The following BCAT1 variants were observed in gnomAD, a reference collection of about 807,000 sequenced individuals.
The protein encoded by BCAT1 is branched chain amino acid transaminase 1.
Under a neutral mutation model 52.4 loss-of-function variants are expected in BCAT1, and 48 were observed. That is an observed-to-expected ratio of 0.92 (90% CI 0.73 to 1.16). The LOEUF (loss-of-function observed/expected upper bound fraction) is 1.16. Ranked by LOEUF, BCAT1 falls within the 50% of genes most tolerant of loss-of-function variation. The pLI is 0.00. For synonymous variants in BCAT1, 167 were observed against 161.3 expected, an observed-to-expected ratio of 1.04 and a Z score of -0.27; for missense variants, 451 against 457.1, an observed-to-expected ratio of 0.99 and a Z score of 0.12.
chr12:24,938,588 T>C (rs1232047412), intron 1 of BCAT1, among the ~76,000 whole-genome samples: 1 of 152,120 alleles, frequency 6.6e-6, no homozygotes, highest in African/African-American at 2.4e-5. Context: ...CTTAGGCCTC[T>C]CTGTATTTAC....
chr12:24,857,912 G>T (rs1941738558), intron 5 of BCAT1, among the ~76,000 whole-genome samples: 1 of 152,164 alleles, frequency 6.6e-6, no homozygotes, highest in African/African-American at 2.4e-5. Flanking sequence ...CCCACTCTGT[G>T]CACGTTTGGA....
intron 3 of BCAT1, among the ~76,000 whole-genome samples, chr12:24,883,043 T>C (rs1161095059): frequency 6.6e-6 from 1 of 151,898 alleles, no homozygotes; most frequent in Admixed American, 6.6e-5. Context: ...TCCCAACACG[T>C]TGGGAGGCCA....
At chr12:24,839,074 C>T (rs528295018) in intron 7 of BCAT1, among the ~76,000 whole-genome samples, 1 of 152,282 alleles carries the variant, frequency 6.6e-6, no homozygotes, top group South Asian at 2.1e-4. Flanking sequence ...TGACATATCT[C>T]CCTGCTTACT....
intron 3 of BCAT1, among the ~76,000 whole-genome samples, chr12:24,891,913 TA>T (rs1240463872): frequency 1.2e-5 from 1 of 81,274 alleles, no homozygotes; most frequent in Non-Finnish European, 2.7e-5. Flanking sequence ...CACGCCCGGC[TA>T]ATTTTTTTTT....
At chr12:24,896,279 G>T (rs183125531) in intron 2 of BCAT1, among the ~76,000 whole-genome samples, 1 of 151,914 alleles carries the variant, frequency 6.6e-6, no homozygotes, top group Non-Finnish European at 1.5e-5. Flanking sequence ...TTTCTCTCCC[G>T]TTGTCCTCTG....
At chr12:24,914,089 T>C (rs1943369301) in intron 1 of BCAT1, among the ~76,000 whole-genome samples, 1 of 151,420 alleles carries the variant, frequency 6.6e-6, no homozygotes, top group Admixed American at 6.6e-5. Flanking sequence ...TTATCTTTTT[T>C]TTTTTTTTTT....
chr12:24,877,011 AC>A lies in BCAT1; in HGVS notation c.510+1518del, dbSNP rs1327875822. On this transcript the variant is annotated intron_variant, in intron 5 of 10. Coordinates refer to ENST00000261192, the MANE Select transcript of BCAT1 (RefSeq NM_005504.7). ...GTCAAAAAACTTATGGAAGTAGATG[AC>A]TTTTTAAAATTGTTCCTATTCTTTA... 2.0e-5 allele frequency among the ~76,000 whole-genome samples: 3 copies of A among 152,348 alleles called. No individual in the cohort carries two copies. In the East Asian group the frequency reaches 5.8e-4, roughly 29 times the overall value.
chr12:24,892,000 G>A (rs918514047), intron 3 of BCAT1, among the ~76,000 whole-genome samples: 6 of 151,222 alleles, frequency 4.0e-5, no homozygotes, highest in South Asian at 2.1e-4. Flanking sequence ...CTCGTGATCC[G>A]CCCGCCTTGG....
chr12:24,919,118 A>G (rs553594561), intron 1 of BCAT1, among the ~76,000 whole-genome samples: 1 of 152,378 alleles, frequency 6.6e-6, no homozygotes, highest in Admixed American at 6.5e-5. Flanking sequence ...TACACACATA[A>G]GTAGAGACAG....
At chr12:24,828,877 G>A (rs556387152) in intron 10 of BCAT1, among the ~76,000 whole-genome samples, 1 of 151,894 alleles carries the variant, frequency 6.6e-6, no homozygotes, top group Non-Finnish European at 1.5e-5. Context: ...ACGGTGGCAT[G>A]AGACCTGTAA....
chr12:24,929,061 C>T (rs374383510), intron 1 of BCAT1, among the ~76,000 whole-genome samples: 130 of 152,168 alleles, frequency 8.5e-4, no homozygotes, highest in African/African-American at 3.0e-3. Flanking sequence ...GCTCCCAGCC[C>T]GTGAAATGTT....
chr12:24,930,695 T>G (rs1204282018), intron 1 of BCAT1, among the ~76,000 whole-genome samples: 1 of 152,180 alleles, frequency 6.6e-6, no homozygotes, highest in Non-Finnish European at 1.5e-5. Context: ...CTGACAATTT[T>G]TTATTTCCAA....
At chr12:24,923,249 C>T (rs1309611908) in intron 1 of BCAT1, among the ~76,000 whole-genome samples, 2 of 152,204 alleles carry the variant, frequency 1.3e-5, no homozygotes, top group South Asian at 2.1e-4. Context: ...AGTTCCCAGA[C>T]ACCAGACAAG....
At chr12:24,917,245 C>A (rs989321728) in intron 1 of BCAT1, among the ~76,000 whole-genome samples, 1 of 131,230 alleles carries the variant, frequency 7.6e-6, no homozygotes, top group Non-Finnish European at 1.5e-5. Context: ...GTGGCGCGAT[C>A]TCGGCTCACT....
intron 1 of BCAT1, chr12:24,902,226 C>G (rs533759356): frequency 5.7e-6 from 8 of 1,407,130 alleles, no homozygotes; most frequent in Non-Finnish European, 7.4e-6. Flanking sequence ...AGCAAATAGT[C>G]TAGACTGGGG....
chr12:24,836,911 AAAG>A (rs1391691743), intron 7 of BCAT1, among the ~76,000 whole-genome samples: 1 of 19,668 alleles, frequency 5.1e-5, no homozygotes, highest in Non-Finnish European at 1.8e-4. Flanking sequence ...AGAAAGAGAG[AAAG>A]AAAGAAAGAA....
intron 10 of BCAT1, among the ~76,000 whole-genome samples, chr12:24,825,695 C>A (rs1284980358): frequency 6.6e-6 from 1 of 151,938 alleles, no homozygotes; most frequent in Admixed American, 6.6e-5. Context: ...CATTTTAAAA[C>A]CAGATTACTA....
At chr12:24,822,317 AG>A (rs1328322219) in intron 10 of BCAT1, among the ~76,000 whole-genome samples, 1 of 152,232 alleles carries the variant, frequency 6.6e-6, no homozygotes, top group African/African-American at 2.4e-5. Context: ...ACTCATATGC[AG>A]AAGTACAGAA....
intron 2 of BCAT1, among the ~76,000 whole-genome samples, chr12:24,900,182 C>T (rs2139673402): frequency 6.6e-6 from 1 of 152,310 alleles, no homozygotes; most frequent in Non-Finnish European, 1.5e-5. Flanking sequence ...TACATATGTG[C>T]TGTGAATACA....
Sources: allele counts gnomAD v4.1 joint callset (sites outside exome capture counted in the v4.1 genomes callset), GRCh38; gene constraint gnomAD v4.1.1; transcripts MANE v1.5; gene names NCBI Gene and HGNC (gene_info 2026-07-23, HGNC 2026-07-21).